The following LMAN1 variants were observed in gnomAD, a reference collection of about 807,000 sequenced individuals.
LMAN1 encodes the protein protein ERGIC-53.
A neutral mutation model predicts 67.8 loss-of-function variants in LMAN1; 32 were observed. The observed-to-expected ratio is 0.47, with a 90% CI of 0.36 to 0.63. The LOEUF is 0.63. Ranked by LOEUF, LMAN1 falls within the 30% of genes least tolerant of loss-of-function variation. The pLI is 0.00. For synonymous variants in LMAN1, 235 were observed against 219.3 expected, an observed-to-expected ratio of 1.07 and a Z score of -0.63; for missense variants, 632 against 628.2, an observed-to-expected ratio of 1.01 and a Z score of -0.06.
chr18:59,346,521 G>A (rs999959982), intron 7 of LMAN1, among the ~76,000 whole-genome samples: 4 of 150,756 alleles, frequency 2.7e-5, no homozygotes, highest in African/African-American at 9.8e-5. Context: ...CACCGCGCCT[G>A]GCCCTTTTTT....
At chr18:59,357,812 A>C (rs750925507) in intron 1 of LMAN1, among the ~76,000 whole-genome samples, 2 of 152,142 alleles carry the variant, frequency 1.3e-5, no homozygotes, top group Non-Finnish European at 2.9e-5. Flanking sequence ...AACCTTATAT[A>C]AAAGATTACT....
chr18:59,331,746 C>A, intron 11 of LMAN1: 2 of 532,630 alleles, frequency 3.8e-6, no homozygotes, highest in Middle Eastern at 1.1e-3. Context: ...CTTTTTACTA[C>A]CCAGTCACTA....
At chr18:59,358,483 T>C (rs1335832163) in intron 1 of LMAN1, among the ~76,000 whole-genome samples, 2 of 151,806 alleles carry the variant, frequency 1.3e-5, no homozygotes, top group African/African-American at 4.8e-5. Context: ...AAAATTACTC[T>C]AATACTACTA....
chr18:59,341,710 A>T (rs566461732), intron 8 of LMAN1, among the ~76,000 whole-genome samples: 49 of 152,260 alleles, frequency 3.2e-4, no homozygotes, highest in Admixed American at 1.4e-3. Context: ...GGCAGTTTAC[A>T]GCATTAAATG....
chr18:59,350,795 CCA>C (rs1179344170), intron 5 of LMAN1, among the ~76,000 whole-genome samples: 1 of 152,032 alleles, frequency 6.6e-6, no homozygotes, highest in East Asian at 1.9e-4. Context: ...GCGCCCGGCC[CCA>C]ATTTTTTTTT....
At chr18:59,340,529 A>C (rs1224464183) in intron 8 of LMAN1, among the ~76,000 whole-genome samples, 3 of 152,110 alleles carry the variant, frequency 2.0e-5, no homozygotes, top group Non-Finnish European at 4.4e-5. Context: ...AGAATTTTAT[A>C]TCCTGCTAGA....
intron 10 of LMAN1, among the ~76,000 whole-genome samples, chr18:59,335,348 G>C (rs1031834901): frequency 1.3e-5 from 2 of 151,384 alleles, no homozygotes; most frequent in African/African-American, 4.9e-5. Context: ...CAGAAGAATC[G>C]CATGAACCCA....
At chr18:59,350,388 C>T (rs746079070) in intron 5 of LMAN1, among the ~76,000 whole-genome samples, 8 of 152,160 alleles carry the variant, frequency 5.3e-5, no homozygotes, top group Non-Finnish European at 8.8e-5. Context: ...TTATTACATT[C>T]AAATTACAAT....
chr18:59,345,924 T>C lies in LMAN1; in HGVS notation c.950A>G (p.Gln317Arg). ...TCAGCTTTGCTACAACTCACCAGGC[T>C]GCCCTTGGAGGTCGGGGTGGCCCTT... ...FQKGHPDLQGQPAEEIFESVG... is the reference protein window; with the variant it reads ...FQKGHPDLQGRPAEEIFESVG... Residue 317 changes from glutamine (Q) to arginine (R), a missense_variant, in exon 8 of 13, where the codon CAG (glutamine) becomes CGG (arginine). Transcript: ENST00000251047. The C allele has an allele frequency of 6.2e-7, 1 of 1,614,036 alleles. No homozygotes were observed. Among genetic ancestry groups the C allele is most frequent in the Non-Finnish European group, 8.5e-7 (1 of 1,180,030 alleles).
chr18:59,348,063 T>C (rs908992765), intron 6 of LMAN1, among the ~76,000 whole-genome samples: 2 of 152,230 alleles, frequency 1.3e-5, no homozygotes, highest in Non-Finnish European at 2.9e-5. Context: ...TACTTTCTTA[T>C]TTGTTTCTCT....
chr18:59,342,002 A>T (rs1908299674), intron 8 of LMAN1, among the ~76,000 whole-genome samples: 1 of 152,086 alleles, frequency 6.6e-6, no homozygotes, highest in Non-Finnish European at 1.5e-5. Context: ...GAGACATTAC[A>T]ACAGATTCCA....
chr18:59,333,251 CAGAA>C lies in LMAN1; in HGVS notation c.1221-11_1221-8del. 1.9e-6 allele frequency: 3 copies of C among 1,611,176 alleles called. No individual in the cohort carries two copies. The highest frequency in any genetic ancestry group is 2.5e-6 in the Non-Finnish European group (3 of 1,178,422). The stretch of plus-strand genomic sequence containing the variant: ...GGTTTCACTCATGGAATTTCTGAAA[CAGAA>C]AGTCTCTTGATACAATAAAATCACT... On this transcript the variant is annotated splice_polypyrimidine_tract_variant and splice_region_variant and intron_variant, in intron 10 of 12. Transcript: ENST00000251047.
At chr18:59,358,935 G>A in intron 1 of LMAN1, 96 bp downstream of exon 1, 7 of 1,252,618 alleles carry the variant, frequency 5.6e-6, no homozygotes, top group Admixed American at 1.8e-5. Context: ...CTGCTGGAAC[G>A]GGAACCTCAG....
At chr18:59,335,730 T>C (rs539504675) in intron 10 of LMAN1, among the ~76,000 whole-genome samples, 50 of 152,218 alleles carry the variant, frequency 3.3e-4, no homozygotes, top group African/African-American at 1.1e-3. Context: ...AAATGAGTAA[T>C]ATCAGCCATA....
chr18:59,345,699 C>CT (rs1000853908), intron 8 of LMAN1, among the ~76,000 whole-genome samples: 3 of 152,190 alleles, frequency 2.0e-5, no homozygotes, highest in Non-Finnish European at 4.4e-5. Context: ...CCATGGTACT[C>CT]TTTATTTCAT....
intron 8 of LMAN1, among the ~76,000 whole-genome samples, chr18:59,342,385 A>C (rs1481238137): frequency 1.3e-5 from 2 of 152,164 alleles, no homozygotes; most frequent in African/African-American, 4.8e-5. Flanking sequence ...CTACAGACCC[A>C]TATCCCTGAT....
chr18:59,355,207 C>A, intron 3 of LMAN1, 106 bp downstream of exon 3: 1 of 844,568 alleles, frequency 1.2e-6, no homozygotes, highest in African/African-American at 1.7e-5. Flanking sequence ...TTGGGGAGTT[C>A]TGTACTATCA....
intron 11 of LMAN1, chr18:59,331,782 G>C: frequency 2.1e-6 from 1 of 484,334 alleles, no homozygotes; most frequent in Non-Finnish European, 3.7e-6. Context: ...GCTCCTGTCT[G>C]CATTACAGTA....
At chr18:59,357,238 T>C (rs1908679648) in intron 1 of LMAN1, among the ~76,000 whole-genome samples, 1 of 152,216 alleles carries the variant, frequency 6.6e-6, no homozygotes, top group Non-Finnish European at 1.5e-5. Context: ...TTTAATTTAC[T>C]GGTACATTAT....
Sources: allele counts gnomAD v4.1 joint callset (sites outside exome capture counted in the v4.1 genomes callset), GRCh38; gene constraint gnomAD v4.1.1; transcripts MANE v1.5; gene names NCBI Gene and HGNC (gene_info 2026-07-23, HGNC 2026-07-21).